Variants in CSDC2 observed in about 807,000 individuals in gnomAD.
The protein encoded by CSDC2 is cold shock domain-containing protein C2.
CSDC2 carries 8 observed loss-of-function variants against 15.8 expected under a neutral mutation model. The observed-to-expected ratio is 0.51, with a 90% CI of 0.30 to 0.92. The LOEUF (loss-of-function observed/expected upper bound fraction) is 0.92. Ranked by LOEUF, CSDC2 falls within the 40% of genes least tolerant of loss-of-function variation. The pLI is 0.07. For missense variants in CSDC2, 195 were observed against 213.3 expected (o/e 0.91, Z 0.53); for synonymous variants, 96 against 92.3 (o/e 1.04, Z -0.23).
In CSDC2 at chr22:41,575,340, T is replaced by A; in HGVS notation, c.*445T>A. On this transcript the variant is annotated 3_prime_UTR_variant, in exon 4 of 4. Coordinates refer to ENST00000306149, the MANE Select transcript of CSDC2 (RefSeq NM_014460.4). ...GCTACTTACATCTCCCTCCCTTGGC[T>A]GAGGTCCCCCGCCACAGCCTGGACC... 5.8e-6 allele frequency: 1 copy of A among 171,108 alleles called. No homozygotes were observed. Among genetic ancestry groups the A allele is most frequent in the Non-Finnish European group, 1.2e-5 (1 of 80,390 alleles). The allele number at this position is 171,108 out of a possible 1,614,324, so 10.6% of individuals were successfully genotyped here.
chr22:41,571,159 C>T (rs933073059), intron 1 of CSDC2, among the ~76,000 whole-genome samples: 3 of 151,960 alleles, frequency 2.0e-5, no homozygotes, highest in Non-Finnish European at 2.9e-5. Context: ...TCGAGACCTG[C>T]CTGGCCAACA....
At chr22:41,561,892 C>T (rs1335859567) in intron 1 of CSDC2, among the ~76,000 whole-genome samples, 1 of 152,178 alleles carries the variant, frequency 6.6e-6, no homozygotes, top group African/African-American at 2.4e-5. Context: ...GATACAGGGA[C>T]TTAGGGTGGC....
Position 41,573,707 on chromosome 22 carries a change from T to G in CSDC2, c.229T>G (p.Ser77Ala). The G allele has an allele frequency of 6.2e-7, 1 of 1,613,860 alleles. No individual in the cohort carries two copies. The highest frequency in any genetic ancestry group is 1.1e-5 in the South Asian group (1 of 91,068). The part of the protein sequence containing the change: ...PVFKGVCKQF[S>A]RSQGHGFITP... Reference sequence around the variant, plus strand: ...GTTCAAGGGCGTCTGTAAGCAGTTCTCACGCTCACAGGGCCATGGCTTCAT... The same window carrying G: ...GTTCAAGGGCGTCTGTAAGCAGTTCGCACGCTCACAGGGCCATGGCTTCAT... Residue 77 changes from serine (S) to alanine (A), a missense_variant, in exon 3 of 4, where the codon TCA becomes GCA. By Grantham distance (99) the Ser-to-Ala change is moderately conservative (BLOSUM62 1). Coordinates refer to ENST00000306149, the MANE Select transcript of CSDC2 (RefSeq NM_014460.4).
intron 1 of CSDC2, among the ~76,000 whole-genome samples, chr22:41,563,061 A>G (rs771192991): frequency 2.8e-4 from 42 of 152,142 alleles, no homozygotes; most frequent in Non-Finnish European, 5.7e-4. Context: ...CAGAAGCCCA[A>G]AGGCCTTAAC....
intron 1 of CSDC2, among the ~76,000 whole-genome samples, chr22:41,564,087 T>TA (rs57009120): frequency 1.1e-3 from 143 of 125,972 alleles, no homozygotes; most frequent in South Asian, 3.0e-3. Context: ...CCATCTCAAT[T>TA]AAAAAAAAAA....
chr22:41,571,478 G>A (rs2067144785), intron 1 of CSDC2, among the ~76,000 whole-genome samples: 1 of 152,174 alleles, frequency 6.6e-6, no homozygotes, highest in Non-Finnish European at 1.5e-5. Context: ...GCTGATGTGT[G>A]GCTTGGCTTG....
At chr22:41,567,694 G>C (rs1457718956) in intron 1 of CSDC2, among the ~76,000 whole-genome samples, 1 of 152,242 alleles carries the variant, frequency 6.6e-6, no homozygotes, top group East Asian at 1.9e-4. Context: ...CAGGACTCCT[G>C]CCTTCCCACT....
Position 41,572,014 on chromosome 22 carries a change from C to A in CSDC2, c.49C>A (p.Pro17Thr). The stretch of plus-strand genomic sequence containing the variant: ...CCCAGTTGTGCCCCCGCTCCACTCC[C>A]CCAAGTCCCCAGTCTGGCCCACCTT... ...SPPVVPPLHS[P>T]KSPVWPTFPF... Residue 17 changes from proline to threonine, a missense_variant, in exon 2 of 4, where the codon CCC (proline) becomes ACC (threonine). By Grantham distance (38) the Pro-to-Thr change is conservative. Coordinates refer to ENST00000306149, the MANE Select transcript of CSDC2 (RefSeq NM_014460.4). 7.3e-7 allele frequency: 1 copy of A among 1,363,784 alleles called. No individual in the cohort carries two copies. Among genetic ancestry groups the A allele is most frequent in the East Asian group, 3.0e-5 (1 of 33,108 alleles). 84.5% of individuals were successfully genotyped at this position (1,363,784 alleles called of 1,614,324 possible). A position where few individuals can be genotyped will look rare whatever the true frequency, so the allele number is the denominator to read the frequency against.
At chr22:41,571,453 AC>A (rs1387212191) in intron 1 of CSDC2, among the ~76,000 whole-genome samples, 5 of 152,182 alleles carry the variant, frequency 3.3e-5, no homozygotes, top group African/African-American at 4.8e-5. Context: ...CCATACTCCC[AC>A]CTGCCATGTT....
chr22:41,574,853 C>T lies in CSDC2; in HGVS notation c.420C>T (p.His140=), dbSNP rs1341849480. 6.2e-7 allele frequency: 1 copy of T among 1,610,360 alleles called. No homozygotes were observed. The highest frequency in any genetic ancestry group is 1.3e-5 in the African/African-American group (1 of 74,866). ...TGGTGCTCACTCAGCTGGCCCCCCACACTCCCCACGAGACGTGGTCTGGCC... is the reference window on the plus strand; with the variant it reads ...TGGTGCTCACTCAGCTGGCCCCCCATACTCCCCACGAGACGTGGTCTGGCC... ...VEVVLTQLAP[H]TPHETWSGQV... is the part of the protein sequence containing the mutation. Residue 140 remains histidine (H), a synonymous_variant, in exon 4 of 4, where the codon CAC becomes CAT. Coordinates refer to ENST00000306149, the MANE Select transcript of CSDC2 (RefSeq NM_014460.4).
intron 1 of CSDC2, among the ~76,000 whole-genome samples, chr22:41,562,872 G>C (rs565396908): frequency 6.6e-6 from 1 of 152,296 alleles, no homozygotes; most frequent in African/African-American, 2.4e-5. Flanking sequence ...CACACTGATT[G>C]GAGTTCAAGT....
rs1569045656 is a variant in CSDC2 at position 41,561,037 on chromosome 22, C to CACCCACAG, written c.-268_-267insCCACAGAC. On this transcript the variant is annotated 5_prime_UTR_variant, in exon 1 of 4. Transcript: ENST00000306149. ...GGGGCTGAGGTACCGCCCGCGCGAG[C>CACCCACAG]ACACACAGACACACACACACACACA... 2.4e-5 allele frequency: 3 copies of CACCCACAG among 124,108 alleles called. No individual in the cohort carries two copies. The highest frequency in any genetic ancestry group is 9.8e-5 in the African/African-American group (3 of 30,718). 7.7% of individuals were successfully genotyped at this position (124,108 alleles called of 1,614,324 possible).
chr22:41,574,020 C>T (rs1278937127), intron 3 of CSDC2, among the ~76,000 whole-genome samples: 2 of 152,212 alleles, frequency 1.3e-5, no homozygotes, highest in Admixed American at 6.5e-5. Context: ...GTTACAGCAT[C>T]GTGGAGGTCT....
chr22:41,572,552 G>A (rs1052715392), intron 2 of CSDC2, among the ~76,000 whole-genome samples: 6 of 151,774 alleles, frequency 4.0e-5, no homozygotes, highest in African/African-American at 1.5e-4. Context: ...AAGATTTACT[G>A]AGCTCCTGAC....
chr22:41,567,822 T>G (rs1237807344), intron 1 of CSDC2, among the ~76,000 whole-genome samples: 2 of 152,232 alleles, frequency 1.3e-5, no homozygotes, highest in Admixed American at 6.5e-5. Context: ...AGTGGGGTAA[T>G]AATAGCACCA....
At chr22:41,569,418 T>G (rs1248788284) in intron 1 of CSDC2, among the ~76,000 whole-genome samples, 1 of 152,144 alleles carries the variant, frequency 6.6e-6, no homozygotes, top group Non-Finnish European at 1.5e-5. Context: ...TTCTACCCAT[T>G]GGCAGCCCTC....
Position 41,573,736 on chromosome 22 carries a change from C to A in CSDC2, c.258C>A (p.Thr86=). 1 of 1,613,908 alleles carries A rather than the reference C, an allele frequency of 6.2e-7. No homozygotes were observed. Among genetic ancestry groups the A allele is most frequent in the Non-Finnish European group, 8.5e-7 (1 of 1,179,932 alleles). ...GCTCACAGGGCCATGGCTTCATCACCCCCGAGAACGGGTCCGAGGACATCT... is the reference window on the plus strand; with the variant it reads ...GCTCACAGGGCCATGGCTTCATCACACCCGAGAACGGGTCCGAGGACATCT... ...FSRSQGHGFI[T]PENGSEDIFV... is the part of the protein sequence containing the mutation. Residue 86 remains threonine, a synonymous_variant, in exon 3 of 4, where the codon ACC becomes ACA. Transcript: ENST00000306149.
chr22:41,568,016 G>C (rs1021571661), intron 1 of CSDC2, among the ~76,000 whole-genome samples: 1 of 151,798 alleles, frequency 6.6e-6, no homozygotes, highest in African/African-American at 2.4e-5. Flanking sequence ...GTCTAGGAGG[G>C]GCAGGCTCTC....
In CSDC2 at chr22:41,571,922, C is replaced by T. The variant is rs2067147159; in HGVS notation, c.-44C>T. On this transcript the variant is annotated 5_prime_UTR_variant, in exon 2 of 4. Coordinates refer to ENST00000306149, the MANE Select transcript of CSDC2 (RefSeq NM_014460.4). ...CAAGGACGACCAAACCCCTCACCGG[C>T]CCCTGGGCCCCAGAGCCCACCAGGC... 21 of 1,265,110 alleles carry T rather than the reference C, an allele frequency of 1.7e-5. No homozygotes were observed. The highest frequency in any genetic ancestry group is 2.1e-5 in the Non-Finnish European group (21 of 985,404). The allele number at this position is 1,265,110 out of a possible 1,614,324, so 78.4% of individuals were successfully genotyped here.
Sources: gnomAD v4.1 joint callset for allele counts (sites outside exome capture counted in the v4.1 genomes callset) on GRCh38, gnomAD v4.1.1 for gene constraint, MANE v1.5 for transcripts, NCBI Gene and HGNC (gene_info 2026-07-23, HGNC 2026-07-21) for gene names.